Variants in PLXNA4 observed in about 807,000 individuals in gnomAD.
PLXNA4 encodes plexin A4.
In PLXNA4, 44 loss-of-function variants were observed where a neutral mutation model predicts 191.8. The observed-to-expected ratio is 0.23, with a 90% CI of 0.18 to 0.29. The LOEUF (loss-of-function observed/expected upper bound fraction) is 0.29. PLXNA4 is among the 10% of genes least tolerant of loss of function. The pLI, the probability that PLXNA4 is intolerant of heterozygous loss-of-function variation, is 1.00. For missense variants in PLXNA4, 1,800 were observed against 2,488.8 expected (o/e 0.72, Z 5.89); for synonymous variants, 1,082 against 1,009.5 (o/e 1.07, Z -1.36).
chr7:132,549,771 G>GTTGT (rs10591448), intron 1 of PLXNA4, among the ~76,000 whole-genome samples: 1 of 151,582 alleles, frequency 6.6e-6, no homozygotes. Context: ...CTTGGGGTGA[G>GTTGT]TTGTTTGTTT....
At chr7:132,381,809 G>A (rs1585058940) in intron 3 of PLXNA4, among the ~76,000 whole-genome samples, 1 of 152,300 alleles carries the variant, frequency 6.6e-6, no homozygotes, top group African/African-American at 2.4e-5. Context: ...CCCCGAGCAG[G>A]GTCCAGACAA....
chr7:132,431,089 G>A (rs753342229), intron 3 of PLXNA4, among the ~76,000 whole-genome samples: 12 of 152,268 alleles, frequency 7.9e-5, no homozygotes, highest in Non-Finnish European at 1.2e-4. Context: ...CTGTAAAACC[G>A]AGGCAATAAA....
intron 4 of PLXNA4, 38 bp downstream of exon 4, chr7:132,298,053 T>C (rs770397029): frequency 1.2e-6 from 2 of 1,613,378 alleles, no homozygotes. Flanking sequence ...AGTATTTAAC[T>C]GCAAGACAAA....
rs1798404339 is a variant in PLXNA4 at position 132,228,358 on chromosome 7, C to T, written c.1716G>A (p.Gln572=). 1 of 1,614,094 alleles carries T rather than the reference C, an allele frequency of 6.2e-7. No homozygotes were observed. Among genetic ancestry groups the T allele is most frequent in the East Asian group, 2.2e-5 (1 of 44,850 alleles). ...TVHPNNISVS[Q]YNVLLVLETY... ...CCACGACCCTTACCAGCACGTTGTA[C>T]TGAGAGACGGAGATATTGTTGGGAT... The change falls in exon 6 of 32, where the codon CAG becomes CAA. Residue 572 remains glutamine (Q), a synonymous_variant. Coordinates refer to ENST00000321063, the MANE Select transcript of PLXNA4 (RefSeq NM_020911.2).
intron 2 of PLXNA4, among the ~76,000 whole-genome samples, chr7:132,595,987 C>T (rs1802704254): frequency 6.6e-6 from 1 of 152,076 alleles, no homozygotes; most frequent in Non-Finnish European, 1.5e-5. Flanking sequence ...CATCAAGTCC[C>T]TACTCAATTT....
At chr7:132,525,410 A>C (rs1328971109) in intron 1 of PLXNA4, among the ~76,000 whole-genome samples, 3 of 151,964 alleles carry the variant, frequency 2.0e-5, no homozygotes, top group African/African-American at 4.8e-5. Context: ...CTGCTACACC[A>C]GGCTAATTTT....
chr7:132,234,781 C>T (rs1477122925), intron 5 of PLXNA4, among the ~76,000 whole-genome samples: 6 of 152,024 alleles, frequency 3.9e-5, no homozygotes, highest in Non-Finnish European at 8.8e-5. Flanking sequence ...GGAACAGAGG[C>T]TGATAGCTTT....
At chr7:132,432,179 G>T (rs1795287483) in intron 3 of PLXNA4, among the ~76,000 whole-genome samples, 1 of 152,104 alleles carries the variant, frequency 6.6e-6, no homozygotes, top group South Asian at 2.1e-4. Flanking sequence ...GCATCTAACG[G>T]GGTACCAGAA....
rs1184954794 is a variant in PLXNA4 at position 132,508,484 on chromosome 7, C to T, written c.210G>A (p.Arg70=). The change falls in exon 2 of 32, where the codon CGG becomes CGA. Residue 70 remains arginine, a synonymous_variant. Transcript: ENST00000321063. This position sits in a 1 kb window ranked among gnomAD's most constrained non-coding sequence, Gnocchi z 4.4. Reference sequence around the variant, plus strand: ...TCAGGTCGCTGGAGAGCTTGTAAATCCGATTGACGGCCCCCAAGTAAATGT... The same window carrying T: ...TCAGGTCGCTGGAGAGCTTGTAAATTCGATTGACGGCCCCCAAGTAAATGT... ...TGHIYLGAVN[R]IYKLSSDLKV... The T allele has an allele frequency of 6.2e-7, 1 of 1,614,088 alleles. No homozygotes were observed. Among genetic ancestry groups the T allele is most frequent in the African/African-American group, 1.3e-5 (1 of 74,934 alleles).
intron 4 of PLXNA4, among the ~76,000 whole-genome samples, chr7:132,285,744 G>T (rs537009612): frequency 1.3e-5 from 2 of 152,340 alleles, no homozygotes; most frequent in African/African-American, 4.8e-5. Context: ...ATGTACTTAA[G>T]TATCAACATT....
intron 2 of PLXNA4, among the ~76,000 whole-genome samples, chr7:132,491,309 A>G (rs529111855): frequency 6.6e-6 from 1 of 152,376 alleles, no homozygotes; most frequent in South Asian, 2.1e-4. Flanking sequence ...AACAGCAGGC[A>G]GGCTCTTGCC....
intron 3 of PLXNA4, chr7:132,367,861 A>C (rs1804253416): frequency 6.6e-6 from 1 of 152,206 alleles, no homozygotes; most frequent in Non-Finnish European, 1.5e-5. Flanking sequence ...CAGACCCGCC[A>C]TGCAGGTACT....
At chr7:132,467,361 C>T (rs1019120021) in intron 3 of PLXNA4, among the ~76,000 whole-genome samples, 1 of 152,182 alleles carries the variant, frequency 6.6e-6, no homozygotes, top group African/African-American at 2.4e-5. Context: ...AGGGTTCCGC[C>T]TGAGACCGTG....
intron 2 of PLXNA4, among the ~76,000 whole-genome samples, chr7:132,585,519 G>C (rs1038776845): frequency 7.1e-6 from 1 of 141,742 alleles, no homozygotes; most frequent in East Asian, 1.9e-4. Context: ...AGATAGATGT[G>C]GTAATTATTT....
intron 4 of PLXNA4, among the ~76,000 whole-genome samples, chr7:132,247,177 T>C (rs73157212): frequency 0.017 from 2,641 of 152,322 alleles, 42 homozygotes; most frequent in Non-Finnish European, 0.028. Context: ...CCTGCTGTTC[T>C]GCTGATTACA....
At chr7:132,516,639 A>G (rs1346258346) in intron 1 of PLXNA4, among the ~76,000 whole-genome samples, 1 of 152,172 alleles carries the variant, frequency 6.6e-6, no homozygotes, top group African/African-American at 2.4e-5. Context: ...GCTGGGTGCA[A>G]AGGATAGATA....
intron 1 of PLXNA4, among the ~76,000 whole-genome samples, chr7:132,512,759 A>C (rs1051732216): frequency 1.3e-5 from 2 of 152,200 alleles, no homozygotes; most frequent in Non-Finnish European, 2.9e-5. Context: ...GCAAAGCAAG[A>C]GTTTCCAGGG....
In PLXNA4 at chr7:132,366,908, C is replaced by G. The variant is rs145505323; in HGVS notation, c.1372-68686G>C. Among the ~76,000 whole-genome samples the G allele has an allele frequency of 2.8e-3, 425 of 152,246 alleles. 2 individuals are homozygous for G. Among genetic ancestry groups the G allele is most frequent in the African/African-American group, 9.7e-3 (403 of 41,528 alleles). ...TCCTGAGTAGCTGGAACCACAGACA[C>G]TTGCCACCATCCCTAGCTAATTTTT... On this transcript the variant is annotated intron_variant, in intron 3 of 31. Transcript: ENST00000321063.
At chr7:132,444,183 T>A (rs1021481378) in intron 3 of PLXNA4, among the ~76,000 whole-genome samples, 2 of 152,256 alleles carry the variant, frequency 1.3e-5, no homozygotes, top group Non-Finnish European at 2.9e-5. Flanking sequence ...ATTTGGAAAT[T>A]AAACCAGATA....
Sources: gnomAD v4.1 joint callset for allele counts (sites outside exome capture counted in the v4.1 genomes callset) on GRCh38, gnomAD v4.1.1 for gene constraint, Gnocchi (gnomAD v3.1) non-coding constraint, MANE v1.5 for transcripts, NCBI Gene and HGNC (gene_info 2026-07-23, HGNC 2026-07-21) for gene names.